IL1RAPL2: variants seen among roughly 807,000 people sequenced by gnomAD.
IL1RAPL2 encodes interleukin 1 receptor accessory protein like 2, also known as X-linked interleukin-1 receptor accessory protein-like 2.
In IL1RAPL2, 3 loss-of-function variants were observed where a neutral mutation model predicts 44.1. The ratio of observed to expected loss-of-function variants is 0.07; its 90% CI spans 0.03 to 0.18. The LOEUF is 0.18. IL1RAPL2 is among the 10% of genes least tolerant of loss of function. IL1RAPL2 has a pLI of 1.00. For missense variants in IL1RAPL2, 391 were observed against 496.4 expected, an observed-to-expected ratio of 0.79 and a Z score of 2.02; for synonymous variants, 181 against 178.8, an observed-to-expected ratio of 1.01 and a Z score of -0.10.
intron 6 of IL1RAPL2, among the ~76,000 whole-genome samples, chrX:105,537,970 CT>C (rs2036689931): frequency 9.2e-6 from 1 of 109,190 alleles, no homozygotes; most frequent in Admixed American, 9.8e-5. Flanking sequence ...CCTCTTTCTC[CT>C]CTTCAAAAAT....
chrX:105,606,952 A>G (rs1214999270), intron 6 of IL1RAPL2, among the ~76,000 whole-genome samples: 1 of 111,540 alleles, frequency 9.0e-6, no homozygotes, highest in Non-Finnish European at 1.9e-5. Context: ...ACCTACAACT[A>G]TATAGGAGAA....
intron 4 of IL1RAPL2, among the ~76,000 whole-genome samples, chrX:105,266,451 G>A (rs2034403632): frequency 9.0e-6 from 1 of 111,594 alleles, no homozygotes; most frequent in Non-Finnish European, 1.9e-5. Context: ...CATTTGAGGC[G>A]AATGATAGCC....
intron 5 of IL1RAPL2, among the ~76,000 whole-genome samples, chrX:105,327,991 G>A (rs1360799440): frequency 1.8e-5 from 2 of 111,507 alleles, no homozygotes; most frequent in Non-Finnish European, 1.9e-5. Flanking sequence ...TGATCCCCAC[G>A]CTATCATGTG....
intron 2 of IL1RAPL2, among the ~76,000 whole-genome samples, chrX:105,134,836 C>A (rs1338851789): frequency 9.0e-6 from 1 of 110,705 alleles, no homozygotes; most frequent in Non-Finnish European, 1.9e-5. Flanking sequence ...CTACCTTTTT[C>A]TTTTCTTGTA....
At chrX:104,607,088 A>T (rs1929032683) in intron 1 of IL1RAPL2, among the ~76,000 whole-genome samples, 1 of 111,661 alleles carries the variant, frequency 9.0e-6, no homozygotes, top group African/African-American at 3.3e-5. Flanking sequence ...AACACCACAC[A>T]TCTACAACCA....
At chrX:105,192,823 T>TG (rs2033643687) in intron 2 of IL1RAPL2, among the ~76,000 whole-genome samples, 3 of 112,179 alleles carry the variant, frequency 2.7e-5, no homozygotes, top group African/African-American at 9.7e-5. Flanking sequence ...CATTATTGTA[T>TG]TGCTGTTCTC....
chrX:105,475,110 T>G (rs182173905), intron 5 of IL1RAPL2, among the ~76,000 whole-genome samples: 17 of 111,998 alleles, frequency 1.5e-4, no homozygotes, highest in African/African-American at 5.2e-4. Context: ...AGAGAATAAA[T>G]GTAAAAGGGC....
At chrX:104,931,376 TAA>T (rs11459071) in intron 2 of IL1RAPL2, among the ~76,000 whole-genome samples, 17 of 75,251 alleles carry the variant, frequency 2.3e-4, no homozygotes, top group Admixed American at 3.0e-4. Flanking sequence ...CCACCTCCCC[TAA>T]AAAAAAAAAA....
intron 5 of IL1RAPL2, among the ~76,000 whole-genome samples, chrX:105,351,590 T>A (rs1029709463): frequency 1.5e-4 from 16 of 108,901 alleles, no homozygotes; most frequent in Non-Finnish European, 3.8e-5. Flanking sequence ...TGAGAACACA[T>A]GGACACAGGG....
chrX:105,200,026 T>C (rs782562644), intron 3 of IL1RAPL2, among the ~76,000 whole-genome samples: 34 of 111,593 alleles, frequency 3.0e-4, no homozygotes, highest in Admixed American at 2.6e-3. Flanking sequence ...AGTGAGAAAT[T>C]CCGTCCATAT....
intron 2 of IL1RAPL2, among the ~76,000 whole-genome samples, chrX:104,991,769 T>C (rs1370508090): frequency 8.9e-6 from 1 of 111,802 alleles, no homozygotes; most frequent in Non-Finnish European, 1.9e-5. Context: ...GCTTACACTG[T>C]TGTGGGGAAG....
chrX:105,681,476 G>A (rs1288166003), intron 6 of IL1RAPL2, among the ~76,000 whole-genome samples: 1 of 112,172 alleles, frequency 8.9e-6, no homozygotes, highest in Admixed American at 9.4e-5. Flanking sequence ...TTACATCATA[G>A]GCCAGGCACA....
intron 2 of IL1RAPL2, among the ~76,000 whole-genome samples, chrX:104,855,935 G>A (rs1356411917): frequency 9.1e-6 from 1 of 109,944 alleles, no homozygotes; most frequent in African/African-American, 3.3e-5. Flanking sequence ...CTCCCAAAGT[G>A]CTGGGATTAT....
At chrX:105,433,870 A>G (rs2035864422) in intron 5 of IL1RAPL2, among the ~76,000 whole-genome samples, 1 of 111,825 alleles carries the variant, frequency 8.9e-6, no homozygotes, top group African/African-American at 3.3e-5. Flanking sequence ...ATAAAAGAAA[A>G]AAAATGATAA....
intron 2 of IL1RAPL2, among the ~76,000 whole-genome samples, chrX:104,817,070 A>G (rs1921156123): frequency 8.8e-6 from 1 of 113,021 alleles, no homozygotes; most frequent in South Asian, 3.6e-4. Context: ...ATGGACAGCT[A>G]TGTAGAAACA....
intron 5 of IL1RAPL2, among the ~76,000 whole-genome samples, chrX:105,433,468 A>G (rs963309567): frequency 9.0e-6 from 1 of 111,505 alleles, no homozygotes; most frequent in Non-Finnish European, 1.9e-5. Context: ...GCAAACATCT[A>G]TGAATCCATG....
At chrX:105,662,913 T>C (rs1028079909) in intron 6 of IL1RAPL2, among the ~76,000 whole-genome samples, 1 of 112,443 alleles carries the variant, frequency 8.9e-6, no homozygotes, top group South Asian at 3.6e-4. Flanking sequence ...AACTGTGAAA[T>C]AATAAATGTT....
At chrX:105,349,900 C>A (rs184400333) in intron 5 of IL1RAPL2, among the ~76,000 whole-genome samples, 2 of 111,709 alleles carry the variant, frequency 1.8e-5, no homozygotes, top group Admixed American at 1.9e-4. Context: ...TTTGAAAAGT[C>A]TCTTAGATGA....
chrX:105,219,266 A>C (rs2033910328), intron 3 of IL1RAPL2: 1 of 1,210,826 alleles, frequency 8.3e-7, no homozygotes, highest in Non-Finnish European at 1.1e-6. Context: ...TCTGAGAAGG[A>C]GGAAAAAGGG....
Sources: gnomAD v4.1 joint callset for allele counts (sites outside exome capture counted in the v4.1 genomes callset) on GRCh38, gnomAD v4.1.1 for gene constraint, MANE v1.5 for transcripts, NCBI Gene and HGNC (gene_info 2026-07-23, HGNC 2026-07-21) for gene names.